EML6: variants seen among roughly 807,000 people sequenced by gnomAD.
The protein encoded by EML6 is echinoderm microtubule-associated protein-like 6.
Under a neutral mutation model 240.1 loss-of-function variants are expected in EML6, and 154 were observed. That is an observed-to-expected ratio of 0.64 (90% CI 0.56 to 0.73). EML6 has a LOEUF of 0.73. EML6 is among the 30% of genes least tolerant of loss of function. EML6 has a pLI of 0.00. For missense variants in EML6, 2,964 were observed against 2,474.6 expected, an observed-to-expected ratio of 1.20 and a Z score of -4.20; for synonymous variants, 1,148 against 899.0, an observed-to-expected ratio of 1.28 and a Z score of -4.95.
chr2:54,741,834 C>G (rs1466568472), intron 2 of EML6, among the ~76,000 whole-genome samples: 1 of 152,152 alleles, frequency 6.6e-6, no homozygotes, highest in Non-Finnish European at 1.5e-5. Context: ...GGGGAGAAGG[C>G]AAAGCTCTTC....
chr2:54,901,530 T>C (rs1377664201), intron 22 of EML6, among the ~76,000 whole-genome samples: 2 of 152,224 alleles, frequency 1.3e-5, no homozygotes, highest in Non-Finnish European at 2.9e-5. Flanking sequence ...CCATCTTAGA[T>C]AGGATAACCA....
chr2:54,926,097 A>T (rs1674528544), intron 26 of EML6, among the ~76,000 whole-genome samples: 1 of 152,140 alleles, frequency 6.6e-6, no homozygotes, highest in South Asian at 2.1e-4. Flanking sequence ...TACTCTGGAG[A>T]CATATTCCAG....
chr2:54,745,511 C>T (rs13401661), intron 2 of EML6, among the ~76,000 whole-genome samples: 44,027 of 151,954 alleles, frequency 0.29, 8,122 homozygotes, highest in African/African-American at 0.52. Context: ...GTCTGGTGGT[C>T]AATATCTGTA....
intron 15 of EML6, among the ~76,000 whole-genome samples, chr2:54,870,349 C>T (rs1226032650): frequency 6.7e-6 from 1 of 149,798 alleles, no homozygotes; most frequent in Non-Finnish European, 1.5e-5. Flanking sequence ...TTGCAGTCCT[C>T]CAAAGGGTAA....
chr2:54,879,413 CAG>C (rs1445728483), intron 16 of EML6, 132 bp from the exon 17 acceptor site: 5 of 644,692 alleles, frequency 7.8e-6, no homozygotes, highest in Non-Finnish European at 1.1e-5. Context: ...ATAATCAAGT[CAG>C]GGCAGCTATC....
At position 54,901,540 on chromosome 2, in the gene EML6, A is replaced by G. The variant is rs1673055598; in HGVS notation, c.3125-1504A>G. The stretch of plus-strand genomic sequence containing the variant: ...TTGACCCATCTTAGATAGGATAACC[A>G]TTCAACCCAGTTTACCCCTGTTGTT... On this transcript the variant is annotated intron_variant, in intron 22 of 41. Coordinates refer to ENST00000356458, the MANE Select transcript of EML6 (RefSeq NM_001039753.4). Among the ~76,000 whole-genome samples the G allele has an allele frequency of 2.6e-5, 4 of 152,238 alleles. No individual in the cohort carries two copies. The South Asian group carries it at 8.3e-4, about 32-fold the overall frequency.
Position 54,827,524 on chromosome 2 carries a change from A to C in EML6, c.526-42A>C, listed in dbSNP as rs74868129. 1.4e-4 allele frequency: 206 copies of C among 1,479,770 alleles called. No individual in the cohort carries two copies. In the East Asian group the frequency reaches 4.9e-3, roughly 35 times the overall value. 91.7% of individuals were successfully genotyped at this position (1,479,770 alleles called of 1,614,324 possible). A position where few individuals can be genotyped will look rare whatever the true frequency, so the allele number is the denominator to read the frequency against. ...AATAAACACCAATGCAATACATCCG[A>C]ATACTCTATCTTGGAGATCTATTTT... On this transcript the variant is annotated intron_variant, in intron 5 of 41. Transcript: ENST00000356458.
At chr2:54,900,888 A>G (rs894051957) in intron 22 of EML6, among the ~76,000 whole-genome samples, 3 of 152,152 alleles carry the variant, frequency 2.0e-5, no homozygotes, top group African/African-American at 2.4e-5. Flanking sequence ...GAAATGCTTC[A>G]TCAGAGAGGT....
intron 2 of EML6, among the ~76,000 whole-genome samples, chr2:54,729,251 A>G (rs1683049156): frequency 6.6e-6 from 1 of 152,108 alleles, no homozygotes. Context: ...CTGCAGTCTC[A>G]CCTCTCCCAT....
intron 6 of EML6, among the ~76,000 whole-genome samples, chr2:54,828,929 T>C (rs1040042423): frequency 3.3e-5 from 5 of 152,230 alleles, no homozygotes; most frequent in Admixed American, 1.3e-4. Context: ...TTTGTGCCTA[T>C]GAAACTGTTC....
In EML6 at chr2:54,970,173, TGC is replaced by T. The variant is rs537416185; in HGVS notation, c.*79_*80del. The T allele has an allele frequency of 6.9e-5, 99 of 1,426,932 alleles. No individual in the cohort carries two copies. The African/African-American group carries it at 1.0e-3, about 14-fold the overall frequency. The allele number at this position is 1,426,932 out of a possible 1,614,324, so 88.4% of individuals were successfully genotyped here. A position where few individuals can be genotyped will look rare whatever the true frequency, so the allele number is the denominator to read the frequency against. On this transcript the variant is annotated 3_prime_UTR_variant, in exon 42 of 42. Transcript: ENST00000356458. Reference sequence around the variant, plus strand: ...CAGAGGCCATGCTGAGGTGCCTCCTTGCCACCAGCCGTTGGGAAATGCCTACC... The same window carrying T: ...CAGAGGCCATGCTGAGGTGCCTCCTTCACCAGCCGTTGGGAAATGCCTACC...
chr2:54,784,595 T>C (rs2103865680), intron 2 of EML6, among the ~76,000 whole-genome samples: 1 of 152,306 alleles, frequency 6.6e-6, no homozygotes, highest in East Asian at 1.9e-4. Flanking sequence ...TCCCCAAAAC[T>C]TAACTACTAA....
intron 21 of EML6, among the ~76,000 whole-genome samples, chr2:54,897,864 C>T (rs781766559): frequency 2.0e-5 from 3 of 152,004 alleles, no homozygotes; most frequent in Non-Finnish European, 4.4e-5. Context: ...TGCCCAGGAC[C>T]GTGTCACAGT....
rs1198079973 is a variant in EML6 at position 54,971,245 on chromosome 2, T to G, written c.*1150T>G. 6.6e-6 allele frequency: 1 copy of G among 152,202 alleles called. No homozygotes were observed. The highest frequency in any genetic ancestry group is 2.4e-5 in the African/African-American group (1 of 41,450). The allele number at this position is 152,202 out of a possible 1,614,324, so 9.4% of individuals were successfully genotyped here. On this transcript the variant is annotated 3_prime_UTR_variant, in exon 42 of 42. Coordinates refer to ENST00000356458, the MANE Select transcript of EML6 (RefSeq NM_001039753.4). ...AATTATAAAGTGAGTTAGAGTTCCT[T>G]GGAGTTGGTTGTATGACGGAATATG...
At chr2:54,940,421 C>G (rs961002955) in intron 28 of EML6, among the ~76,000 whole-genome samples, 7 of 151,958 alleles carry the variant, frequency 4.6e-5, no homozygotes, top group African/African-American at 1.4e-4. Flanking sequence ...TTCTTTAATC[C>G]TTGATTCCTT....
In EML6 at chr2:54,969,984, T is replaced by C. The variant is rs1480395361; in HGVS notation, c.5853-87T>C. 1.1e-5 allele frequency: 16 copies of C among 1,423,144 alleles called. No individual in the cohort carries two copies. In the Admixed American group the frequency reaches 1.8e-4, roughly 16 times the overall value. 88.2% of individuals were successfully genotyped at this position (1,423,144 alleles called of 1,614,324 possible). On this transcript the variant is annotated intron_variant, in intron 41 of 41. Coordinates refer to ENST00000356458, the MANE Select transcript of EML6 (RefSeq NM_001039753.4). ...TCAATACATCACCCGAGCTTGACTT[T>C]TGAGCACTTGGCAAGATTGTTTTTT...
At chr2:54,828,952 T>C (rs2104176354) in intron 6 of EML6, among the ~76,000 whole-genome samples, 1 of 152,352 alleles carries the variant, frequency 6.6e-6, no homozygotes, top group African/African-American at 2.4e-5. Flanking sequence ...GTTCCTAGCC[T>C]CTTATCTCTA....
intron 5 of EML6, among the ~76,000 whole-genome samples, chr2:54,827,258 T>G (rs1481413060): frequency 1.3e-5 from 2 of 152,250 alleles, no homozygotes; most frequent in Non-Finnish European, 2.9e-5. Context: ...AAACATGATT[T>G]GTCCACTTGA....
At chr2:54,798,081 G>A (rs1353089100) in intron 2 of EML6, among the ~76,000 whole-genome samples, 1 of 152,124 alleles carries the variant, frequency 6.6e-6, no homozygotes, top group East Asian at 1.9e-4. Context: ...ATTTGAGGAG[G>A]TTTGGTACCT....
Sources: gnomAD v4.1 joint callset for allele counts (sites outside exome capture counted in the v4.1 genomes callset) on GRCh38, gnomAD v4.1.1 for gene constraint, MANE v1.5 for transcripts, NCBI Gene and HGNC (gene_info 2026-07-23, HGNC 2026-07-21) for gene names.